MYT1L: variants seen among roughly 807,000 people sequenced by gnomAD.
MYT1L encodes the protein myelin transcription factor 1-like protein.
MYT1L carries 12 observed loss-of-function variants against 126.7 expected under a neutral mutation model. That is an observed-to-expected ratio of 0.09 (90% confidence interval 0.06 to 0.15). The LOEUF (loss-of-function observed/expected upper bound fraction) is 0.15. Among genes scored for constraint, MYT1L ranks in the 10% least tolerant of loss-of-function variants. The pLI is 1.00. For synonymous variants in MYT1L, 541 were observed against 604.2 expected, an observed-to-expected ratio of 0.90 and a Z score of 1.53; for missense variants, 979 against 1,585.2, an observed-to-expected ratio of 0.62 and a Z score of 6.49.
intron 2 of MYT1L, among the ~76,000 whole-genome samples, chr2:2,276,734 G>A (rs1040348432): frequency 5.9e-5 from 9 of 152,060 alleles, no homozygotes; most frequent in African/African-American, 2.2e-4. Flanking sequence ...CCTCTCTGCA[G>A]GTGCATACAA....
intron 1 of MYT1L, among the ~76,000 whole-genome samples, chr2:2,328,015 GA>G (rs1348947706): frequency 6.6e-6 from 1 of 152,100 alleles, no homozygotes; most frequent in Middle Eastern, 3.2e-3. Context: ...ATGTGACTTT[GA>G]AAACATTATT....
chr2:2,021,757 C>A (rs1197855121), intron 4 of MYT1L, among the ~76,000 whole-genome samples: 1 of 152,072 alleles, frequency 6.6e-6, no homozygotes, highest in African/African-American at 2.4e-5. Context: ...ATTAGCCAGG[C>A]GTGGTGGTGG....
chr2:2,093,541 G>C (rs1193835448), intron 3 of MYT1L, among the ~76,000 whole-genome samples: 3 of 151,936 alleles, frequency 2.0e-5, no homozygotes, highest in Non-Finnish European at 2.9e-5. Flanking sequence ...GGGGTTGTTT[G>C]TTTTTTTCTT....
intron 4 of MYT1L, among the ~76,000 whole-genome samples, chr2:2,037,950 C>G (rs1170033925): frequency 6.6e-6 from 1 of 152,202 alleles, no homozygotes; most frequent in African/African-American, 2.4e-5. Flanking sequence ...AGCACCGACT[C>G]TGCACAGCCT....
chr2:2,023,564 A>G (rs1232536347), intron 4 of MYT1L, among the ~76,000 whole-genome samples: 1 of 151,444 alleles, frequency 6.6e-6, no homozygotes, highest in Non-Finnish European at 1.5e-5. Context: ...CTCCTGAAGG[A>G]CCCCACAGAG....
chr2:1,907,607 C>T (rs1228768192), intron 13 of MYT1L, among the ~76,000 whole-genome samples: 10 of 152,236 alleles, frequency 6.6e-5, no homozygotes, highest in Admixed American at 6.5e-4. Flanking sequence ...ACAGAGGCTG[C>T]AAGTCTGGGA....
chr2:1,856,348 C>T (rs4571084), intron 18 of MYT1L, among the ~76,000 whole-genome samples: 29,073 of 152,132 alleles, frequency 0.19, 3,470 homozygotes, highest in African/African-American at 0.34. Context: ...ATTGACCACA[C>T]GTCCATGGAG....
intron 8 of MYT1L, among the ~76,000 whole-genome samples, chr2:1,976,379 C>G (rs149475898): frequency 6.6e-6 from 1 of 152,200 alleles, no homozygotes; most frequent in Non-Finnish European, 1.5e-5. Context: ...AGGTGGCTCA[C>G]GCCTATAATC....
chr2:1,969,126 T>A (rs894178252), intron 8 of MYT1L, among the ~76,000 whole-genome samples: 1 of 152,234 alleles, frequency 6.6e-6, no homozygotes, highest in African/African-American at 2.4e-5. Context: ...CAGAAGTCCC[T>A]GATTAGAAAT....
chr2:2,250,561 A>C (rs2094619388), intron 2 of MYT1L, among the ~76,000 whole-genome samples: 2 of 95,734 alleles, frequency 2.1e-5, no homozygotes, highest in Admixed American at 1.1e-4. Flanking sequence ...GAAAGGGTAC[A>C]AAAAAAAAAA....
chr2:1,797,283 G>C (rs2147854045), intron 23 of MYT1L, among the ~76,000 whole-genome samples: 1 of 152,296 alleles, frequency 6.6e-6, no homozygotes, highest in African/African-American at 2.4e-5. Context: ...CCCGCCCATG[G>C]CGCGATCTTG....
intron 3 of MYT1L, among the ~76,000 whole-genome samples, chr2:2,060,965 AG>A (rs2070383872): frequency 6.6e-6 from 1 of 151,996 alleles, no homozygotes; most frequent in African/African-American, 2.4e-5. Context: ...TATTATAAAT[AG>A]TGATTTTTAT....
intron 2 of MYT1L, among the ~76,000 whole-genome samples, chr2:2,214,491 T>C (rs2093623673): frequency 6.6e-6 from 1 of 151,882 alleles, no homozygotes; most frequent in South Asian, 2.1e-4. Flanking sequence ...AAAAAAGGTG[T>C]GAAGGATCAA....
At chr2:1,975,974 GT>G (rs1217752214) in intron 8 of MYT1L, among the ~76,000 whole-genome samples, 5 of 152,124 alleles carry the variant, frequency 3.3e-5, no homozygotes, top group African/African-American at 1.2e-4. Flanking sequence ...ACCTCAAGTT[GT>G]TTTTGGCAAG....
chr2:1,835,084 G>C (rs1030936990), intron 21 of MYT1L, among the ~76,000 whole-genome samples: 2 of 144,990 alleles, frequency 1.4e-5, no homozygotes, highest in Admixed American at 1.3e-4. Context: ...CATATACCAC[G>C]GGGATGGATA....
At chr2:1,911,947 G>GC in intron 12 of MYT1L, 73 bp downstream of exon 12, 1 of 1,208,156 alleles carries the variant, frequency 8.3e-7, no homozygotes, top group Admixed American at 2.3e-5. Context: ...AGCGTGGTAG[G>GC]CCCCCCAGGA....
chr2:2,329,146 G>A (rs890236617), intron 1 of MYT1L, among the ~76,000 whole-genome samples: 1 of 152,200 alleles, frequency 6.6e-6, no homozygotes, highest in African/African-American at 2.4e-5. Context: ...GAATGAGGTG[G>A]CAAGTGCTCA....
intron 8 of MYT1L, among the ~76,000 whole-genome samples, chr2:1,977,705 T>C (rs1318852459): frequency 6.6e-6 from 1 of 152,206 alleles, no homozygotes; most frequent in Non-Finnish European, 1.5e-5. Flanking sequence ...AAGAAACTTT[T>C]TAGCCAAATT....
chr2:1,920,828 G>A (rs187194837), intron 10 of MYT1L, among the ~76,000 whole-genome samples: 2 of 152,330 alleles, frequency 1.3e-5, no homozygotes, highest in South Asian at 2.1e-4. Flanking sequence ...GCTCTACTGA[G>A]CTAGAGAGTC....
Sources: gnomAD v4.1 joint callset for allele counts (sites outside exome capture counted in the v4.1 genomes callset) on GRCh38, gnomAD v4.1.1 for gene constraint, MANE v1.5 for transcripts, NCBI Gene and HGNC (gene_info 2026-07-23, HGNC 2026-07-21) for gene names.